The following SRRM3 variants were observed in gnomAD, a reference collection of about 807,000 sequenced individuals.
SRRM3 encodes serine/arginine repetitive matrix 3, also known as serine/arginine repetitive matrix protein 3.
A neutral mutation model predicts 66.2 loss-of-function variants in SRRM3; 27 were observed. The ratio of observed to expected loss-of-function variants is 0.41; its 90% CI spans 0.30 to 0.56. SRRM3 has a LOEUF of 0.56. Among genes scored for constraint, SRRM3 ranks in the 20% least tolerant of loss-of-function variants. The pLI, the probability that SRRM3 is intolerant of heterozygous loss-of-function variation, is 0.32. For synonymous variants in SRRM3, 391 were observed against 414.9 expected (o/e 0.94, Z 0.70); for missense variants, 918 against 991.9 (o/e 0.93, Z 1.00).
chr7:76,242,815 A>G (rs1801343063), intron 2 of SRRM3, among the ~76,000 whole-genome samples: 1 of 152,082 alleles, frequency 6.6e-6, no homozygotes, highest in South Asian at 2.1e-4. Flanking sequence ...TAATGCCACC[A>G]CTGATCTGAT....
chr7:76,245,038 G>A (rs1801404041), intron 2 of SRRM3, among the ~76,000 whole-genome samples: 1 of 152,238 alleles, frequency 6.6e-6, no homozygotes, highest in Non-Finnish European at 1.5e-5. Context: ...CACCTGCCAG[G>A]AGTTGGGATG....
At chr7:76,284,734 C>T (rs1802613638) in intron 14 of SRRM3, among the ~76,000 whole-genome samples, 1 of 152,224 alleles carries the variant, frequency 6.6e-6, no homozygotes, top group African/African-American at 2.4e-5. Context: ...CTGTTTTCTT[C>T]CTCAGAATTA....
At chr7:76,246,954 T>G (rs958667688) in intron 2 of SRRM3, among the ~76,000 whole-genome samples, 1 of 152,218 alleles carries the variant, frequency 6.6e-6, no homozygotes, top group South Asian at 2.1e-4. Context: ...AATGGGAATG[T>G]GACCTGCCTT....
At chr7:76,263,965 A>G (rs1801947577) in intron 8 of SRRM3, among the ~76,000 whole-genome samples, 1 of 147,556 alleles carries the variant, frequency 6.8e-6, no homozygotes, top group South Asian at 2.2e-4. Flanking sequence ...GAGCTGGCCT[A>G]GGGCTGGGCC....
chr7:76,268,527 A>G (rs985591214), intron 11 of SRRM3: 1 of 152,142 alleles, frequency 6.6e-6, no homozygotes, highest in East Asian at 1.9e-4. Context: ...AGCAGCAAAC[A>G]TGTACGTGTT....
chr7:76,251,745 C>T (rs1801587321), intron 3 of SRRM3, among the ~76,000 whole-genome samples: 1 of 151,748 alleles, frequency 6.6e-6, no homozygotes, highest in African/African-American at 2.4e-5. Flanking sequence ...GCCTGGGCAA[C>T]AGAGCAAGAC....
At chr7:76,226,513 G>A (rs1334008775) in intron 1 of SRRM3, among the ~76,000 whole-genome samples, 1 of 152,232 alleles carries the variant, frequency 6.6e-6, no homozygotes, top group African/African-American at 2.4e-5. Context: ...TGGCCGGTGG[G>A]GCCCCGGCTC....
At chr7:76,219,633 G>A (rs1209844287) in intron 1 of SRRM3, among the ~76,000 whole-genome samples, 5 of 152,204 alleles carry the variant, frequency 3.3e-5, no homozygotes, top group South Asian at 2.1e-4. Flanking sequence ...CTGGGGCCGG[G>A]TGCGGTGGCT....
At chr7:76,264,574 A>T (rs1801962636) in intron 8 of SRRM3, among the ~76,000 whole-genome samples, 191 bp from the exon 9 acceptor site, 1 of 152,176 alleles carries the variant, frequency 6.6e-6, no homozygotes, top group Non-Finnish European at 1.5e-5. Context: ...CAGGAGGAGG[A>T]AGGCCGGAGC....
intron 2 of SRRM3, among the ~76,000 whole-genome samples, chr7:76,239,535 C>T (rs891177852): frequency 6.6e-6 from 1 of 151,466 alleles, no homozygotes; most frequent in African/African-American, 2.4e-5. Flanking sequence ...AATCCACCTA[C>T]AAAAAAAAAT....
rs954589054 is a variant in SRRM3, at chr7:76,283,415, C to G, written c.1733+314C>G. 5.8e-6 allele frequency: 3 copies of G among 517,992 alleles called. No individual in the cohort carries two copies. The Admixed American group carries it at 7.7e-5, about 13-fold the overall frequency. The allele number at this position is 517,992 out of a possible 1,614,324, so 32.1% of individuals were successfully genotyped here. A position where few individuals can be genotyped will look rare whatever the true frequency, so the allele number is the denominator to read the frequency against. On this transcript the variant is annotated intron_variant, in intron 14 of 14. Coordinates refer to ENST00000611745, the MANE Select transcript of SRRM3 (RefSeq NM_001110199.3). ...TACTTGGGTCTGGGTGGGCCGCAGC[C>G]GGCATGGAATTCAGCTCTGCAAGAG...
At position 76,261,574 on chromosome 7, in the gene SRRM3, C is replaced by T. The variant is rs563897360; in HGVS notation, c.667C>T (p.Arg223Trp). ...TGATTCTGGGTCCCGGAGGAAGAGA[C>T]GGCACAGGTGAGCGGCGCTTTGCAG... ...RSDSGSRRKR[R>W]HRSRSSKCKR... The change falls in exon 8 of 15, where the codon CGG becomes TGG. Residue 223 changes from arginine (R) to tryptophan (W), a missense_variant. Arg to Trp is a moderately radical substitution (Grantham distance 101). Coordinates refer to ENST00000611745, the MANE Select transcript of SRRM3 (RefSeq NM_001110199.3). The T allele has an allele frequency of 1.9e-5, 30 of 1,611,670 alleles. No individual in the cohort carries two copies. Among genetic ancestry groups the T allele is most frequent in the Middle Eastern group, 3.3e-4 (2 of 6,062 alleles).
intron 1 of SRRM3, among the ~76,000 whole-genome samples, chr7:76,211,854 A>T (rs897647530): frequency 7.2e-4 from 104 of 145,454 alleles, no homozygotes; most frequent in African/African-American, 2.6e-3. Flanking sequence ...TATTATTATT[A>T]TTAGAGACTA....
chr7:76,211,834 T>C (rs148473015), intron 1 of SRRM3, among the ~76,000 whole-genome samples: 4 of 134,456 alleles, frequency 3.0e-5, no homozygotes, highest in African/African-American at 1.3e-4. Context: ...ATTATTATTA[T>C]TATTATTATT....
intron 11 of SRRM3, among the ~76,000 whole-genome samples, chr7:76,274,964 G>A (rs565168688): frequency 6.6e-6 from 1 of 152,098 alleles, no homozygotes; most frequent in African/African-American, 2.4e-5. Flanking sequence ...AAATTAGCCG[G>A]GCATGGTGTT....
chr7:76,277,059 C>T (rs1802368063), intron 11 of SRRM3, among the ~76,000 whole-genome samples: 1 of 152,252 alleles, frequency 6.6e-6, no homozygotes, highest in Non-Finnish European at 1.5e-5. Flanking sequence ...CAGGGTGTTC[C>T]ACTTTTCCAG....
intron 3 of SRRM3, among the ~76,000 whole-genome samples, chr7:76,249,211 C>T (rs1462133876): frequency 6.6e-6 from 1 of 151,950 alleles, no homozygotes; most frequent in Non-Finnish European, 1.5e-5. Context: ...CATGGTGAAA[C>T]TCAATCTCTA....
chr7:76,206,658 C>T (rs781807908), intron 1 of SRRM3, among the ~76,000 whole-genome samples: 1 of 152,194 alleles, frequency 6.6e-6, no homozygotes. Flanking sequence ...GTTCAGGCTG[C>T]CTCACTGACT....
intron 11 of SRRM3, among the ~76,000 whole-genome samples, chr7:76,278,642 G>A (rs1166937896): frequency 6.6e-6 from 1 of 152,214 alleles, no homozygotes; most frequent in Non-Finnish European, 1.5e-5. Flanking sequence ...TTATGCCTGT[G>A]TCTGCCCCAA....
Sources: allele counts gnomAD v4.1 joint callset (sites outside exome capture counted in the v4.1 genomes callset), GRCh38; gene constraint gnomAD v4.1.1; transcripts MANE v1.5; gene names NCBI Gene and HGNC (gene_info 2026-07-23, HGNC 2026-07-21).